Variants in CPEB1 observed in about 807,000 individuals in gnomAD.
CPEB1 encodes cytoplasmic polyadenylation element-binding protein 1.
Under a neutral mutation model 65.8 loss-of-function variants are expected in CPEB1, and 7 were observed. That is an observed-to-expected ratio of 0.11 (90% CI 0.06 to 0.20). The LOEUF (loss-of-function observed/expected upper bound fraction) is 0.20. Among genes scored for constraint, CPEB1 ranks in the 10% least tolerant of loss-of-function variants. CPEB1 has a pLI of 1.00. For synonymous variants in CPEB1, 262 were observed against 260.0 expected, an observed-to-expected ratio of 1.01 and a Z score of -0.08; for missense variants, 551 against 712.2, an observed-to-expected ratio of 0.77 and a Z score of 2.58.
rs138420038 is a variant in CPEB1, at chr15:82,565,040, C to T, written c.460+6304G>A. Among the ~76,000 whole-genome samples, 83 of 152,300 alleles carry T rather than the reference C, an allele frequency of 5.4e-4. 3 individuals carry two copies. In the East Asian group the frequency reaches 0.012, roughly 21 times the overall value. On this transcript the variant is annotated intron_variant, in intron 4 of 12. Coordinates refer to ENST00000684509, the MANE Select transcript of CPEB1 (RefSeq NM_001365242.1). ...GTGGGATGTCAGCATCTCCATGCAT[C>T]AGTTTCCTGCAAATATTAAATCAGA...
intron 3 of CPEB1, among the ~76,000 whole-genome samples, chr15:82,586,094 G>A (rs2041777662): frequency 6.6e-6 from 1 of 152,152 alleles, no homozygotes; most frequent in Non-Finnish European, 1.5e-5. Flanking sequence ...ACAGACATCA[G>A]GATACAAAAG....
At chr15:82,622,016 T>C (rs187546218) in intron 3 of CPEB1, among the ~76,000 whole-genome samples, 2 of 152,316 alleles carry the variant, frequency 1.3e-5, no homozygotes. Flanking sequence ...TTAATGATGT[T>C]TCACCACTTT....
intron 5 of CPEB1, among the ~76,000 whole-genome samples, chr15:82,556,835 A>G (rs1433161944): frequency 6.6e-6 from 1 of 152,206 alleles, no homozygotes; most frequent in African/African-American, 2.4e-5. Flanking sequence ...GCCTTAACAG[A>G]TAAAACCAAT....
At chr15:82,585,994 CT>C (rs892210269) in intron 3 of CPEB1, among the ~76,000 whole-genome samples, 1 of 151,924 alleles carries the variant, frequency 6.6e-6, no homozygotes, top group Non-Finnish European at 1.5e-5. Flanking sequence ...CAGCTCTTGT[CT>C]TTTTGGGTTT....
intron 3 of CPEB1, among the ~76,000 whole-genome samples, chr15:82,610,274 A>G (rs888294293): frequency 6.6e-6 from 1 of 152,146 alleles, no homozygotes; most frequent in East Asian, 1.9e-4. Context: ...GAATTCTACC[A>G]AAAACCTAAA....
Position 82,612,706 on chromosome 15 carries a change from C to T in CPEB1, c.271+14487G>A, listed in dbSNP as rs936367580. Among the ~76,000 whole-genome samples the T allele has an allele frequency of 3.3e-5, 5 of 151,474 alleles. 1 individual carries two copies. Among genetic ancestry groups the T allele is most frequent in the Admixed American group, 2.0e-4 (3 of 15,188 alleles). ...AAAAATTAGCTGGGCAGGTGGCAGG[C>T]GCCTGTAATCCCAGCTACTCAGGAG... On this transcript the variant is annotated intron_variant, in intron 3 of 12. Transcript: ENST00000684509.
chr15:82,614,169 T>G (rs1381201978), intron 3 of CPEB1, among the ~76,000 whole-genome samples: 1 of 152,142 alleles, frequency 6.6e-6, no homozygotes, highest in Non-Finnish European at 1.5e-5. Flanking sequence ...CATAAAAATA[T>G]GGGTCTTGCT....
At chr15:82,577,491 A>G (rs922078711) in intron 3 of CPEB1, among the ~76,000 whole-genome samples, 1 of 152,204 alleles carries the variant, frequency 6.6e-6, no homozygotes, top group African/African-American at 2.4e-5. Context: ...AAGGACAGAC[A>G]TAGTAGTAAT....
chr15:82,602,568 G>A (rs1443801664), intron 3 of CPEB1, among the ~76,000 whole-genome samples: 7 of 152,072 alleles, frequency 4.6e-5, no homozygotes, highest in Admixed American at 2.0e-4. Context: ...AAAATCGGCC[G>A]GGCGCGGTGG....
chr15:82,566,658 G>C (rs17158413), intron 4 of CPEB1, among the ~76,000 whole-genome samples: 5 of 151,864 alleles, frequency 3.3e-5, no homozygotes, highest in Non-Finnish European at 7.4e-5. Context: ...CTGTAGAAAA[G>C]ACATATTCAT....
At chr15:82,563,357 C>CTTT (rs71453394) in intron 4 of CPEB1, among the ~76,000 whole-genome samples, 2,125 of 91,986 alleles carry the variant, frequency 0.023, 118 homozygotes, top group Middle Eastern at 0.056. Context: ...CATCTCTATT[C>CTTT]TTTTTTTTTT....
At chr15:82,564,797 T>C (rs887491388) in intron 4 of CPEB1, among the ~76,000 whole-genome samples, 1 of 152,060 alleles carries the variant, frequency 6.6e-6, no homozygotes, top group South Asian at 2.1e-4. Context: ...AGGGGCAGGG[T>C]GGAAATCACT....
intron 10 of CPEB1, chr15:82,548,821 C>CT (rs557316734): frequency 9.0e-5 from 35 of 387,600 alleles, no homozygotes; most frequent in African/African-American, 6.7e-4. Context: ...GGTGTGAAGA[C>CT]TAAGCATTTG....
At chr15:82,554,097 C>A in intron 6 of CPEB1, 106 bp from the exon 7 acceptor site, 1 of 633,356 alleles carries the variant, frequency 1.6e-6, no homozygotes, top group Non-Finnish European at 2.7e-6. Flanking sequence ...GGCCACAATC[C>A]TTGCCCAGAT....
At chr15:82,581,144 T>C (rs1314232167) in intron 3 of CPEB1, among the ~76,000 whole-genome samples, 2 of 152,184 alleles carry the variant, frequency 1.3e-5, no homozygotes, top group Non-Finnish European at 2.9e-5. Flanking sequence ...CTGGCATGCA[T>C]GCATTCATTC....
intron 3 of CPEB1, among the ~76,000 whole-genome samples, chr15:82,599,658 C>T (rs944301460): frequency 1.3e-5 from 2 of 152,092 alleles, no homozygotes; most frequent in African/African-American, 4.8e-5. Flanking sequence ...GGTTCTATGG[C>T]CCCAAGAAGC....
chr15:82,641,537 T>C (rs1596147424), intron 1 of CPEB1: 1 of 152,178 alleles, frequency 6.6e-6, no homozygotes, highest in South Asian at 2.1e-4. Flanking sequence ...TGGCCAAGAA[T>C]AAAGAAACAA....
chr15:82,592,320 G>A (rs2042323788), intron 3 of CPEB1, among the ~76,000 whole-genome samples: 1 of 152,088 alleles, frequency 6.6e-6, no homozygotes, highest in Non-Finnish European at 1.5e-5. Flanking sequence ...AGGCATGGTG[G>A]CTCACGCCTG....
At position 82,571,479 on chromosome 15, in the gene CPEB1, C is replaced by T. The variant is rs2040016352; in HGVS notation, c.325G>A (p.Ala109Thr). Residue 109 changes from alanine (A) to threonine (T), a missense_variant, in exon 4 of 13, where the codon GCG becomes ACG. This residue lies in a region of CPEB1 where 223 missense variants were observed against 228.6 expected (regional missense o/e 0.98). Coordinates refer to ENST00000684509, the MANE Select transcript of CPEB1 (RefSeq NM_001365242.1). ...VTSRMLFPTS[A>T]QESSRGLPDA... ...GGGAGGCCACGGGAAGATTCTTGCG[C>T]AGAGGTTGGGAAAAGCATCCTGCTT... The T allele has an allele frequency of 6.2e-7, 1 of 1,614,168 alleles. No individual in the cohort carries two copies. Among genetic ancestry groups the T allele is most frequent in the Non-Finnish European group, 8.5e-7 (1 of 1,180,022 alleles).
Sources: gnomAD v4.1 joint callset for allele counts (sites outside exome capture counted in the v4.1 genomes callset) on GRCh38, gnomAD v4.1.1 for gene constraint, gnomAD v4.1.1 regional missense constraint, MANE v1.5 for transcripts, NCBI Gene and HGNC (gene_info 2026-07-23, HGNC 2026-07-21) for gene names.